UPF2: variants seen among roughly 807,000 people sequenced by gnomAD.
UPF2 encodes regulator of nonsense transcripts 2.
Under a neutral mutation model 141.4 loss-of-function variants are expected in UPF2, and 17 were observed. The ratio of observed to expected loss-of-function variants is 0.12; its 90% CI spans 0.08 to 0.18. The LOEUF (loss-of-function observed/expected upper bound fraction) is 0.18, where lower values mean the gene tolerates loss of function less well. Among genes scored for constraint, UPF2 ranks in the 10% least tolerant of loss-of-function variants. The pLI is 1.00. For synonymous variants in UPF2, 540 were observed against 498.0 expected (o/e 1.08, Z -1.12); for missense variants, 1,152 against 1,515.9 (o/e 0.76, Z 3.99).
intron 21 of UPF2, among the ~76,000 whole-genome samples, chr10:11,922,607 G>A (rs1316324721): frequency 1.3e-5 from 2 of 152,160 alleles, no homozygotes; most frequent in African/African-American, 2.4e-5. Context: ...TATAGTGTAA[G>A]GTGTCATTTG....
At chr10:12,034,333 T>TTG (rs2131314958) in intron 2 of UPF2, among the ~76,000 whole-genome samples, 1 of 137,254 alleles carries the variant, frequency 7.3e-6, no homozygotes, top group Admixed American at 7.5e-5. Context: ...TTTTATTTTT[T>TTG]TTTTTTTGAG....
intron 5 of UPF2, among the ~76,000 whole-genome samples, chr10:12,002,220 G>A (rs111874489): frequency 1.2e-4 from 18 of 152,298 alleles, no homozygotes; most frequent in African/African-American, 3.8e-4. Context: ...GCAGTGAGCC[G>A]AGAGAGCACC....
In UPF2 at chr10:12,042,453, C is replaced by T. The variant is rs567315698; in HGVS notation, c.-19+302G>A. On this transcript the variant is annotated intron_variant, in intron 1 of 21. Coordinates refer to ENST00000357604, the MANE Select transcript of UPF2 (RefSeq NM_015542.4). This position sits in a 1 kb window ranked among gnomAD's most constrained non-coding sequence, Gnocchi z 5.5. ...CCCCCGAACACTTTCGCCCCTCCAC[C>T]GCGGGCTCCCCGCCTCCAGTCTCGA... is the stretch of plus-strand genomic sequence containing the variant. Among the ~76,000 whole-genome samples, 1 of 152,332 alleles carries T rather than the reference C, an allele frequency of 6.6e-6. No homozygotes were observed. Among genetic ancestry groups the T allele is most frequent in the East Asian group, 1.9e-4 (1 of 5,168 alleles).
rs1385785944 is a variant in UPF2, at chr10:11,920,940, C to A, written c.*358G>T. Reference sequence around the variant, plus strand: ...CAAGTTCATTTCCCCCACACCATTACCATCACAACCCGTTTCTTCTCTGGC... The same window carrying A: ...CAAGTTCATTTCCCCCACACCATTAACATCACAACCCGTTTCTTCTCTGGC... On this transcript the variant is annotated 3_prime_UTR_variant, in exon 22 of 22. Coordinates refer to ENST00000357604, the MANE Select transcript of UPF2 (RefSeq NM_015542.4). 5.8e-6 allele frequency: 3 copies of A among 518,338 alleles called. No individual in the cohort carries two copies. The highest frequency in any genetic ancestry group is 1.2e-5 in the Non-Finnish European group (3 of 254,534). 32.1% of individuals were successfully genotyped at this position (518,338 alleles called of 1,614,324 possible).
chr10:12,014,187 A>G lies in UPF2; in HGVS notation c.1146-3T>C. ...CCCCTTTAGAATGTAGAATGCGCCT[A>G]TAAACAAATGAAATCATCTGACAGT... is the stretch of plus-strand genomic sequence containing the variant. On this transcript the variant is annotated splice_region_variant and splice_polypyrimidine_tract_variant and intron_variant, in intron 3 of 21. Transcript: ENST00000357604. The surrounding 1 kb of genome is among the most constrained non-coding windows in gnomAD (Gnocchi z 5.0). 7.1e-7 allele frequency: 1 copy of G among 1,408,534 alleles called. No individual in the cohort carries two copies. Among genetic ancestry groups the G allele is most frequent in the South Asian group, 1.7e-5 (1 of 57,240 alleles). 87.3% of individuals were successfully genotyped at this position (1,408,534 alleles called of 1,614,324 possible).
At chr10:11,965,655 T>C (rs182748509) in intron 10 of UPF2, among the ~76,000 whole-genome samples, 25 of 152,186 alleles carry the variant, frequency 1.6e-4, no homozygotes, top group Admixed American at 1.3e-3. Context: ...GAAACGGCGT[T>C]TCACCGTGTT....
chr10:11,934,490 AG>A (rs1286394184), intron 19 of UPF2, among the ~76,000 whole-genome samples: 1 of 152,236 alleles, frequency 6.6e-6, no homozygotes, highest in Non-Finnish European at 1.5e-5. Flanking sequence ...GCAGTGTCTG[AG>A]GAAGATTCAG....
At chr10:12,011,951 T>C (rs973301094) in intron 4 of UPF2, among the ~76,000 whole-genome samples, 1 of 150,636 alleles carries the variant, frequency 6.6e-6, no homozygotes, top group African/African-American at 2.4e-5. Flanking sequence ...GTCTCAAAAA[T>C]AATAATAATA....
At position 12,042,492 on chromosome 10, in the gene UPF2, C is replaced by A. The variant is rs1834753900; in HGVS notation, c.-19+263G>T. On this transcript the variant is annotated intron_variant, in intron 1 of 21. Transcript: ENST00000357604. The surrounding 1 kb of genome is among the most constrained non-coding windows in gnomAD (Gnocchi z 5.5). The stretch of plus-strand genomic sequence containing the variant: ...CTCCAGTCTCGAGGCCCGGCCCAGG[C>A]ATGTGGGGCAGGCACCTCCTCCACC... Among the ~76,000 whole-genome samples, 1 of 152,176 alleles carries A rather than the reference C, an allele frequency of 6.6e-6. No individual in the cohort carries two copies. The highest frequency in any genetic ancestry group is 2.1e-4 in the South Asian group (1 of 4,826).
At chr10:11,972,018 C>T (rs989000278) in intron 9 of UPF2, among the ~76,000 whole-genome samples, 1 of 148,346 alleles carries the variant, frequency 6.7e-6, no homozygotes, top group Non-Finnish European at 1.5e-5. Flanking sequence ...GAGCCAAGAT[C>T]GCACCACTGT....
intron 3 of UPF2, among the ~76,000 whole-genome samples, chr10:12,024,950 A>C (rs1416187146): frequency 2.0e-5 from 3 of 150,124 alleles, no homozygotes; most frequent in Non-Finnish European, 3.0e-5. Context: ...AAAAAAAAAA[A>C]AAAAAAACAC....
At chr10:11,977,576 T>G (rs1833526145) in intron 9 of UPF2, among the ~76,000 whole-genome samples, 1 of 152,218 alleles carries the variant, frequency 6.6e-6, no homozygotes, top group Non-Finnish European at 1.5e-5. Flanking sequence ...ACTTGTGTTT[T>G]AATTTGGGGA....
At chr10:12,032,092 G>C (rs774402724) in intron 2 of UPF2, among the ~76,000 whole-genome samples, 1 of 152,040 alleles carries the variant, frequency 6.6e-6, no homozygotes, top group South Asian at 2.1e-4. Context: ...TCAGGAGTTC[G>C]AGATCAGCCT....
At chr10:12,032,327 AAAGT>A (rs1226084541) in intron 2 of UPF2, among the ~76,000 whole-genome samples, 2 of 151,724 alleles carry the variant, frequency 1.3e-5, no homozygotes, top group Non-Finnish European at 2.9e-5. Context: ...AAAAGAAAAG[AAAGT>A]ATGTACATAC....
Position 12,017,671 on chromosome 10 carries a change from T to C in UPF2, c.1146-3487A>G, listed in dbSNP as rs368739785. On this transcript the variant is annotated intron_variant, in intron 3 of 21. Transcript: ENST00000357604. ...TACTTAAGTTACTATTCAGTGAGAA[T>C]AGTCCTCAAGAAAAGTTTAGATTTG... is the stretch of plus-strand genomic sequence containing the variant. Among the ~76,000 whole-genome samples, 168 of 152,362 alleles carry C rather than the reference T, an allele frequency of 1.1e-3. 2 individuals are homozygous for C. The highest frequency in any genetic ancestry group is 9.3e-3 in the South Asian group (45 of 4,834).
rs34136148 is a variant in UPF2, at chr10:11,955,340, C to T, written c.2742G>A (p.Glu914=). The change falls in exon 14 of 22, where the codon GAG becomes GAA. Residue 914 remains glutamate, a synonymous_variant. Coordinates refer to ENST00000357604, the MANE Select transcript of UPF2 (RefSeq NM_015542.4). ...ATACGAGTCTAATTCTGAAAAGATG[C>T]TCAGGTGGGTCCAGGGAACTTGGAG... is the stretch of plus-strand genomic sequence containing the variant. The part of the protein sequence containing the change: ...DGSPSSLDPP[E]HLFRIRLVCT... 8.1e-4 allele frequency: 1,303 copies of T among 1,614,100 alleles called. 9 individuals are homozygous for T. In the African/African-American group the frequency reaches 0.016, roughly 20 times the overall value.
At chr10:11,990,130 G>A (rs1348141166) in intron 8 of UPF2, among the ~76,000 whole-genome samples, 2 of 152,186 alleles carry the variant, frequency 1.3e-5, no homozygotes, top group Non-Finnish European at 2.9e-5. Flanking sequence ...GTAAATTACA[G>A]CAGGATAAGC....
At position 12,036,969 on chromosome 10, in the gene UPF2, G is replaced by A. The variant is rs1048898934; in HGVS notation, c.-18-1528C>T. ...GAACCCGGGAAGCGGAGGTTGTAAT[G>A]AGCCAAGATCACGCCATTGGACTCC... On this transcript the variant is annotated intron_variant, in intron 1 of 21. Transcript: ENST00000357604. Among the ~76,000 whole-genome samples the A allele has an allele frequency of 5.3e-5, 8 of 152,244 alleles. No homozygotes were observed. The East Asian group carries it at 1.2e-3, about 22-fold the overall frequency.
Position 11,929,929 on chromosome 10 carries a change from G to T in UPF2, c.3745C>A (p.Arg1249=), listed in dbSNP as rs368962743. The T allele has an allele frequency of 7.0e-5, 113 of 1,614,074 alleles. No individual in the cohort carries two copies. The highest frequency in any genetic ancestry group is 8.6e-5 in the Non-Finnish European group (102 of 1,180,034). ...PAPANTNRER[R]PRYQHPKGAP... Reference sequence around the variant, plus strand: ...CCCTTCGGATGTTGGTAGCGAGGCCGCCTCTCACGATTGGTGTTTGCTGGA... The same window carrying T: ...CCCTTCGGATGTTGGTAGCGAGGCCTCCTCTCACGATTGGTGTTTGCTGGA... The change falls in exon 21 of 22, where the codon CGG becomes AGG. Residue 1249 remains arginine (R), a synonymous_variant. Coordinates refer to ENST00000357604, the MANE Select transcript of UPF2 (RefSeq NM_015542.4).
Sources: gnomAD v4.1 joint callset for allele counts (sites outside exome capture counted in the v4.1 genomes callset) on GRCh38, gnomAD v4.1.1 for gene constraint, Gnocchi (gnomAD v3.1) non-coding constraint, MANE v1.5 for transcripts, NCBI Gene and HGNC (gene_info 2026-07-23, HGNC 2026-07-21) for gene names.